The following REPS1 variants were observed in gnomAD, a reference collection of about 807,000 sequenced individuals.
The protein encoded by REPS1 is ralBP1-associated Eps domain-containing protein 1.
A neutral mutation model predicts 100.9 loss-of-function variants in REPS1; 39 were observed. That is an observed-to-expected ratio of 0.39 (90% CI 0.30 to 0.50). The LOEUF is 0.50. Among genes scored for constraint, REPS1 ranks in the 20% least tolerant of loss-of-function variants. REPS1 has a pLI of 0.86. For synonymous variants in REPS1, 324 were observed against 340.3 expected (o/e 0.95, Z 0.53); for missense variants, 821 against 968.5 (o/e 0.85, Z 2.02).
intron 1 of REPS1, among the ~76,000 whole-genome samples, chr6:138,979,923 C>T (rs1784839957): frequency 6.6e-6 from 1 of 152,152 alleles, no homozygotes; most frequent in Non-Finnish European, 1.5e-5. Flanking sequence ...TCTCTGAATT[C>T]CTCAAGATGT....
intron 8 of REPS1, 122 bp from the exon 9 acceptor site, chr6:138,930,220 C>G: frequency 5.6e-6 from 4 of 719,050 alleles, no homozygotes; most frequent in Non-Finnish European, 8.9e-6. Context: ...TAATCTAAAT[C>G]TCCTTTCCTC....
In REPS1 at chr6:138,945,217, A is replaced by C; in HGVS notation, c.628+2T>G. 1 of 1,602,830 alleles carries C rather than the reference A, an allele frequency of 6.2e-7. No homozygotes were observed. The highest frequency in any genetic ancestry group is 8.5e-7 in the Non-Finnish European group (1 of 1,175,762). ...CACTCTAATCAATCAATCTCTAAAT[A>C]CCTGATTGTGCTTCACCAAAGGGAG... On this transcript the variant is annotated splice_donor_variant, in intron 4 of 19. Coordinates refer to ENST00000450536, the MANE Select transcript of REPS1 (RefSeq NM_001286611.2). LOFTEE classifies it high-confidence loss of function.
chr6:138,941,301 C>T, intron 8 of REPS1, 34 bp downstream of exon 8: 1 of 1,606,638 alleles, frequency 6.2e-7, no homozygotes, highest in South Asian at 1.1e-5. Context: ...TTTATCAAGG[C>T]ATGCAAACAG....
At chr6:138,931,540 G>C (rs1359610976) in intron 8 of REPS1, among the ~76,000 whole-genome samples, 1 of 152,098 alleles carries the variant, frequency 6.6e-6, no homozygotes, top group Non-Finnish European at 1.5e-5. Flanking sequence ...GTTCTAATCT[G>C]CAGTCCAGAA....
intron 1 of REPS1, among the ~76,000 whole-genome samples, chr6:138,960,975 G>A (rs1783701105): frequency 6.6e-6 from 1 of 152,082 alleles, no homozygotes; most frequent in Admixed American, 6.5e-5. Flanking sequence ...TAGCAACAAA[G>A]AACATCACCC....
In REPS1 at chr6:138,957,860, GTTCA is replaced by G. The variant is rs1783497372; in HGVS notation, c.154-9951_154-9948del. 5.3e-5 allele frequency among the ~76,000 whole-genome samples: 8 copies of G among 152,240 alleles called. No individual in the cohort carries two copies. In the South Asian group the frequency reaches 1.7e-3, roughly 32 times the overall value. ...TATAGTCATCACATGAATATTTTTGGTTCATTTTCAACTTTTAGATTCAACCTAA... is the reference window on the plus strand; with the variant it reads ...TATAGTCATCACATGAATATTTTTGGTTTTCAACTTTTAGATTCAACCTAA... On this transcript the variant is annotated intron_variant, in intron 1 of 19. Transcript: ENST00000450536.
chr6:138,936,626 G>A (rs1032861107), intron 8 of REPS1, among the ~76,000 whole-genome samples: 1 of 136,418 alleles, frequency 7.3e-6, no homozygotes, highest in Non-Finnish European at 1.6e-5. Context: ...TATGTTTGGG[G>A]GGGGGTAGAG....
chr6:138,910,538 G>C (rs1369020051), intron 17 of REPS1, among the ~76,000 whole-genome samples: 1 of 152,118 alleles, frequency 6.6e-6, no homozygotes, highest in Non-Finnish European at 1.5e-5. Flanking sequence ...ACTTTTTGTA[G>C]AGACGGGGTT....
At chr6:138,974,300 T>A (rs1225721559) in intron 1 of REPS1, among the ~76,000 whole-genome samples, 2 of 152,112 alleles carry the variant, frequency 1.3e-5, no homozygotes, top group African/African-American at 4.8e-5. Context: ...GCATGCACTT[T>A]CCTATTAATA....
At chr6:138,929,739 C>A in intron 9 of REPS1, 1 of 323,636 alleles carries the variant, frequency 3.1e-6, no homozygotes, top group Non-Finnish European at 5.7e-6. Flanking sequence ...CTTTCTGAAT[C>A]TGCCTCTCTA....
At chr6:138,932,202 G>A (rs1021814180) in intron 8 of REPS1, among the ~76,000 whole-genome samples, 1 of 152,040 alleles carries the variant, frequency 6.6e-6, no homozygotes, top group African/African-American at 2.4e-5. Flanking sequence ...AGCTGCTTGA[G>A]GCTGCAAAGT....
In REPS1 at chr6:138,911,265, A is replaced by AT. The variant is rs1387896434; in HGVS notation, c.2067+10dup. 4.5e-6 allele frequency: 7 copies of AT among 1,544,792 alleles called. No individual in the cohort carries two copies. Among genetic ancestry groups the AT allele is most frequent in the African/African-American group, 1.4e-5 (1 of 73,430 alleles). Reference sequence around the variant, plus strand: ...GTACAAAATTATTATTATAAAAGACATTTTGCATACCACATTGGCAGGAGC... The same window carrying AT: ...GTACAAAATTATTATTATAAAAGACATTTTTGCATACCACATTGGCAGGAGC... On this transcript the variant is annotated intron_variant, in intron 17 of 19. Coordinates refer to ENST00000450536, the MANE Select transcript of REPS1 (RefSeq NM_001286611.2).
chr6:138,934,358 C>T (rs1299226968), intron 8 of REPS1: 4 of 470,120 alleles, frequency 8.5e-6, no homozygotes, highest in Non-Finnish European at 1.8e-5. Context: ...CTAAATTATT[C>T]GTTAAAGTTA....
intron 1 of REPS1, among the ~76,000 whole-genome samples, chr6:138,955,457 AGTGTGTGTGTG>A (rs1333959437): frequency 5.5e-5 from 5 of 90,720 alleles, no homozygotes; most frequent in African/African-American, 2.1e-4. Context: ...AAAAAAAAAA[AGTGTGTGTGTG>A]TGTGTGTGTG....
intron 13 of REPS1, 84 bp downstream of exon 13, chr6:138,917,471 C>A: frequency 9.5e-7 from 1 of 1,058,132 alleles, no homozygotes; most frequent in South Asian, 1.4e-5. Context: ...AGAACAAAAT[C>A]ATTTGTGCTT....
intron 1 of REPS1, among the ~76,000 whole-genome samples, chr6:138,982,383 C>T (rs1272549383): frequency 6.6e-6 from 1 of 152,204 alleles, no homozygotes; most frequent in Non-Finnish European, 1.5e-5. Flanking sequence ...GGGTACATTG[C>T]TTACAAACCT....
intron 1 of REPS1, among the ~76,000 whole-genome samples, chr6:138,972,551 C>G (rs1357630421): frequency 6.6e-6 from 1 of 152,076 alleles, no homozygotes; most frequent in African/African-American, 2.4e-5. Context: ...CTCCACTGAC[C>G]TGTTTTCTTA....
chr6:138,964,998 T>C (rs1783935508), intron 1 of REPS1, among the ~76,000 whole-genome samples: 1 of 152,176 alleles, frequency 6.6e-6, no homozygotes, highest in Non-Finnish European at 1.5e-5. Context: ...AAGAAGTTTA[T>C]AGTTCTTGAC....
intron 19 of REPS1, among the ~76,000 whole-genome samples, chr6:138,905,754 G>T (rs1779605563): frequency 6.6e-6 from 1 of 152,030 alleles, no homozygotes; most frequent in Admixed American, 6.6e-5. Context: ...CCCGCCCCCT[G>T]GTAGATGAAT....
Sources: gnomAD v4.1 joint callset for allele counts (sites outside exome capture counted in the v4.1 genomes callset) on GRCh38, gnomAD v4.1.1 for gene constraint, MANE v1.5 for transcripts, NCBI Gene and HGNC (gene_info 2026-07-23, HGNC 2026-07-21) for gene names.